SPOCK3: variants seen among roughly 807,000 people sequenced by gnomAD.
The protein encoded by SPOCK3 is SPARC (osteonectin), cwcv and kazal like domains proteoglycan 3.
A neutral mutation model predicts 56.6 loss-of-function variants in SPOCK3; 30 were observed. The observed-to-expected ratio is 0.53, with a 90% CI of 0.40 to 0.72. The LOEUF is 0.72. Ranked by LOEUF, SPOCK3 falls within the 30% of genes least tolerant of loss-of-function variation. The pLI, the probability that SPOCK3 is intolerant of heterozygous loss-of-function variation, is 0.00. For synonymous variants in SPOCK3, 196 were observed against 183.3 expected (o/e 1.07, Z -0.56); for missense variants, 527 against 530.0 (o/e 0.99, Z 0.06).
chr4:167,053,923 G>A (rs943273188), intron 3 of SPOCK3, among the ~76,000 whole-genome samples: 11 of 151,982 alleles, frequency 7.2e-5, no homozygotes, highest in African/African-American at 2.4e-4. Flanking sequence ...AAAATGAAAC[G>A]GGTTCGTTCT....
At chr4:167,087,145 A>G (rs563260308) in intron 2 of SPOCK3, among the ~76,000 whole-genome samples, 31 of 152,262 alleles carry the variant, frequency 2.0e-4, no homozygotes, top group African/African-American at 7.5e-4. Flanking sequence ...CAGTGTTTGT[A>G]GTAACTTAAA....
chr4:167,175,450 T>C (rs1730899016), intron 2 of SPOCK3, among the ~76,000 whole-genome samples: 1 of 152,214 alleles, frequency 6.6e-6, no homozygotes, highest in South Asian at 2.1e-4. Context: ...ACAATGATTA[T>C]GGATTTTTTG....
chr4:167,129,108 T>A (rs1357403766), intron 2 of SPOCK3, among the ~76,000 whole-genome samples: 1 of 152,168 alleles, frequency 6.6e-6, no homozygotes, highest in Non-Finnish European at 1.5e-5. Flanking sequence ...GAGTAGTGGT[T>A]CTCAACGTAC....
Position 167,224,594 on chromosome 4 carries a change from C to T in SPOCK3, c.189+9391G>A, listed in dbSNP as rs1268270874. ...ATTTCCTAATCAACAGTAAACCAAG[C>T]TACCAAATGTTCAAACTTAACAAAA... On this transcript the variant is annotated intron_variant, in intron 2 of 10. Transcript: ENST00000357545. 4.6e-5 allele frequency among the ~76,000 whole-genome samples: 7 copies of T among 152,054 alleles called. 2 individuals are homozygous for T. The highest frequency in any genetic ancestry group is 4.6e-4 in the Admixed American group (7 of 15,258).
intron 2 of SPOCK3, among the ~76,000 whole-genome samples, chr4:167,167,549 G>A (rs1467220069): frequency 6.6e-6 from 1 of 152,082 alleles, no homozygotes; most frequent in East Asian, 1.9e-4. Context: ...ATGAAGATAA[G>A]AGCATGAAGG....
At chr4:167,107,238 A>T (rs2150336884) in intron 2 of SPOCK3, among the ~76,000 whole-genome samples, 1 of 152,108 alleles carries the variant, frequency 6.6e-6, no homozygotes, top group South Asian at 2.1e-4. Context: ...ATGAATATTA[A>T]CACAGAAATC....
intron 6 of SPOCK3, among the ~76,000 whole-genome samples, chr4:166,818,623 AT>A (rs1454279348): frequency 6.6e-6 from 1 of 151,992 alleles, no homozygotes; most frequent in Non-Finnish European, 1.5e-5. Context: ...CTCATTACCA[AT>A]TAAAATAGGC....
chr4:167,019,440 CAT>C (rs941633702), intron 3 of SPOCK3, among the ~76,000 whole-genome samples: 6 of 151,740 alleles, frequency 4.0e-5, no homozygotes, highest in African/African-American at 7.2e-5. Context: ...ACGTGATATA[CAT>C]AGAGTTATAA....
chr4:166,854,916 C>T (rs1285694749), intron 6 of SPOCK3, among the ~76,000 whole-genome samples: 2 of 152,130 alleles, frequency 1.3e-5, no homozygotes, highest in Admixed American at 6.6e-5. Flanking sequence ...GACTCAGAAA[C>T]CAATACTCCA....
intron 6 of SPOCK3, among the ~76,000 whole-genome samples, chr4:166,809,887 T>C (rs1324389851): frequency 6.6e-6 from 1 of 152,082 alleles, no homozygotes. Flanking sequence ...GTCTACTCTG[T>C]AATCATGTAT....
At chr4:166,936,254 T>C (rs115397479) in intron 4 of SPOCK3, among the ~76,000 whole-genome samples, 1,887 of 152,254 alleles carry the variant, frequency 0.012, 23 homozygotes, top group Non-Finnish European at 0.019. Flanking sequence ...TATGTATTCA[T>C]AAGCAATATT....
chr4:166,956,442 A>G (rs1270991718), intron 4 of SPOCK3, among the ~76,000 whole-genome samples: 1 of 152,158 alleles, frequency 6.6e-6, no homozygotes, highest in Non-Finnish European at 1.5e-5. Context: ...TCCAATAACC[A>G]AACCAGCTAC....
chr4:167,211,074 T>C (rs370844751), intron 2 of SPOCK3, among the ~76,000 whole-genome samples: 30 of 152,202 alleles, frequency 2.0e-4, no homozygotes, highest in African/African-American at 7.2e-4. Context: ...ATGTACTTAA[T>C]ATACATAGTT....
At chr4:167,036,840 C>A (rs767655216) in intron 3 of SPOCK3, among the ~76,000 whole-genome samples, 1 of 151,518 alleles carries the variant, frequency 6.6e-6, no homozygotes, top group Admixed American at 6.6e-5. Flanking sequence ...TGCCCTCTAA[C>A]GCTGTTATAT....
At chr4:167,224,566 T>C (rs185881552) in intron 2 of SPOCK3, among the ~76,000 whole-genome samples, 320 of 152,280 alleles carry the variant, frequency 2.1e-3, no homozygotes, top group South Asian at 4.6e-3. Flanking sequence ...TTTTTCCTAA[T>C]TAATTTCCTA....
At chr4:167,078,738 T>C (rs1757439755) in intron 2 of SPOCK3, among the ~76,000 whole-genome samples, 1 of 151,832 alleles carries the variant, frequency 6.6e-6, no homozygotes, top group Non-Finnish European at 1.5e-5. Flanking sequence ...AATTTTCTAA[T>C]ATTTAATTTT....
chr4:167,193,095 G>T (rs1350934217), intron 2 of SPOCK3, among the ~76,000 whole-genome samples: 1 of 145,978 alleles, frequency 6.9e-6, no homozygotes, highest in Non-Finnish European at 1.5e-5. Context: ...TTCGTTATGT[G>T]TCTGTTGGGT....
At chr4:166,881,037 AT>A (rs1733629288) in intron 6 of SPOCK3, among the ~76,000 whole-genome samples, 1 of 152,176 alleles carries the variant, frequency 6.6e-6, no homozygotes, top group African/African-American at 2.4e-5. Flanking sequence ...TGATTTCTAA[AT>A]AATCTAATAC....
At chr4:167,096,648 TATG>T (rs1759183445) in intron 2 of SPOCK3, among the ~76,000 whole-genome samples, 1 of 151,978 alleles carries the variant, frequency 6.6e-6, no homozygotes, top group Admixed American at 6.6e-5. Flanking sequence ...TTTTTAAATG[TATG>T]ATAAGTTGTG....
Sources: allele counts gnomAD v4.1 joint callset (sites outside exome capture counted in the v4.1 genomes callset), GRCh38; gene constraint gnomAD v4.1.1; transcripts MANE v1.5; gene names NCBI Gene and HGNC (gene_info 2026-07-23, HGNC 2026-07-21).